DYNLT5: variants seen among roughly 807,000 people sequenced by gnomAD.
DYNLT5 encodes the protein dynein light chain Tctex-type 5.
DYNLT5 carries 25 observed loss-of-function variants against 19.3 expected under a neutral mutation model. The ratio of observed to expected loss-of-function variants is 1.30; its 90% CI spans 0.95 to 1.81. The LOEUF (loss-of-function observed/expected upper bound fraction) is 1.81. Ranked by LOEUF, DYNLT5 falls within the 40% of genes most tolerant of loss-of-function variation. The probability of loss-of-function intolerance (pLI) is 0.00; values close to 1 mark genes in which losing one functional copy is unlikely to be tolerated. For synonymous variants in DYNLT5, 82 were observed against 68.9 expected, an observed-to-expected ratio of 1.19 and a Z score of -0.94; for missense variants, 232 against 217.9, an observed-to-expected ratio of 1.06 and a Z score of -0.41.
At chr1:66,766,639 T>A (rs888335278) in intron 2 of DYNLT5, among the ~76,000 whole-genome samples, 1 of 152,236 alleles carries the variant, frequency 6.6e-6, no homozygotes, top group Non-Finnish European at 1.5e-5. Context: ...CTTTTCCTTT[T>A]TTCTTTTCTC....
At chr1:66,776,209 A>T (rs1291025158) in intron 3 of DYNLT5, 70 bp from the exon 4 acceptor site, 46 of 1,540,450 alleles carry the variant, frequency 3.0e-5, no homozygotes, top group Non-Finnish European at 3.9e-5. Context: ...TACTCTTTTG[A>T]TTAGCCTATG....
Position 66,776,282 on chromosome 1 carries a change from C to T in DYNLT5, c.215C>T (p.Pro72Leu), listed in dbSNP as rs560432499. The change falls in exon 4 of 5, where the codon CCT (proline) becomes CTT (leucine). Residue 72 changes from proline to leucine, a missense_variant. By Grantham distance (98) the Pro-to-Leu change is moderately conservative. Coordinates refer to ENST00000282670, the MANE Select transcript of DYNLT5 (RefSeq NM_152665.3). ...TAAATTTTATGTGTATTTTCAGGTCCTCCCAAACATTTTCCTGTGGTCACC... is the reference window on the plus strand; with the variant it reads ...TAAATTTTATGTGTATTTTCAGGTCTTCCCAAACATTTTCCTGTGGTCACC... Reference protein sequence around the residue: ...VQMENTYQLGPPKHFPVVTVN... With the variant: ...VQMENTYQLGLPKHFPVVTVN... The T allele has an allele frequency of 9.3e-6, 15 of 1,611,120 alleles. No homozygotes were observed. In the South Asian group the frequency reaches 1.6e-4, roughly 17 times the overall value.
chr1:66,761,676 G>A (rs552689439), intron 2 of DYNLT5, among the ~76,000 whole-genome samples: 6 of 152,188 alleles, frequency 3.9e-5, no homozygotes, highest in Non-Finnish European at 8.8e-5. Context: ...GTACTTGGGA[G>A]ACTGAGGCAG....
intron 2 of DYNLT5, among the ~76,000 whole-genome samples, chr1:66,757,459 C>G (rs1480385093): frequency 6.6e-6 from 1 of 152,086 alleles, no homozygotes; most frequent in Non-Finnish European, 1.5e-5. Context: ...AAAACAGAAA[C>G]ATCTTAAGCT....
intron 4 of DYNLT5, 102 bp from the exon 5 acceptor site, chr1:66,777,149 C>A: frequency 1.1e-6 from 1 of 944,240 alleles, no homozygotes; most frequent in Non-Finnish European, 1.6e-6. Context: ...ATCTACAATG[C>A]ATCATGCTAT....
intron 2 of DYNLT5, among the ~76,000 whole-genome samples, chr1:66,767,706 A>T (rs774637436): frequency 6.6e-6 from 1 of 152,220 alleles, no homozygotes; most frequent in African/African-American, 2.4e-5. Flanking sequence ...TCTTACATAA[A>T]ATAAGTCTGA....
At chr1:66,761,963 C>T (rs181258708) in intron 2 of DYNLT5, among the ~76,000 whole-genome samples, 136 of 152,254 alleles carry the variant, frequency 8.9e-4, no homozygotes, top group African/African-American at 3.2e-3. Context: ...CCTTTATCAA[C>T]TAAGTGTATG....
intron 2 of DYNLT5, 148 bp downstream of exon 2, chr1:66,754,925 A>G: frequency 1.3e-6 from 1 of 786,028 alleles, no homozygotes; most frequent in Non-Finnish European, 1.8e-6. Context: ...GCCATATTTA[A>G]AAAGAAAGAG....
intron 2 of DYNLT5, among the ~76,000 whole-genome samples, chr1:66,755,132 A>G (rs1177727639): frequency 6.6e-6 from 1 of 152,190 alleles, no homozygotes; most frequent in Admixed American, 6.5e-5. Context: ...TACATATACA[A>G]TGTACTTAAC....
chr1:66,770,426 G>A lies in DYNLT5; in HGVS notation c.159G>A (p.Gln53=), dbSNP rs369927560. The change falls in exon 3 of 5, where the codon CAG becomes CAA. Residue 53 remains glutamine (Q), a synonymous_variant. Transcript: ENST00000282670. Reference sequence around the variant, plus strand: ...TGTCTTATATGGAAGAACCCAGTCAGCGTGATGATATCTCTCGCCTTACAG... The same window carrying A: ...TGTCTTATATGGAAGAACCCAGTCAACGTGATGATATCTCTCGCCTTACAG... ...STVSYMEEPS[Q]RDDISRLTVQ... The A allele has an allele frequency of 3.1e-6, 5 of 1,613,550 alleles. No individual in the cohort carries two copies. The highest frequency in any genetic ancestry group is 2.2e-5 in the East Asian group (1 of 44,850).
At chr1:66,774,757 A>G (rs559272671) in intron 3 of DYNLT5, among the ~76,000 whole-genome samples, 39 of 147,412 alleles carry the variant, frequency 2.6e-4, no homozygotes, top group Non-Finnish European at 4.6e-4. Context: ...TCTATTCCCC[A>G]ATCTTGGGGT....
rs1191053252 is a variant in DYNLT5 at position 66,778,503 on chromosome 1, C to T, written c.*1049C>T. 3 of 152,414 alleles carry T rather than the reference C, an allele frequency of 2.0e-5. No individual in the cohort carries two copies. Among genetic ancestry groups the T allele is most frequent in the Non-Finnish European group, 2.9e-5 (2 of 68,002 alleles). The allele number at this position is 152,414 out of a possible 1,614,324, so 9.4% of individuals were successfully genotyped here. On this transcript the variant is annotated 3_prime_UTR_variant, in exon 5 of 5. Coordinates refer to ENST00000282670, the MANE Select transcript of DYNLT5 (RefSeq NM_152665.3). The stretch of plus-strand genomic sequence containing the variant: ...GTGTGCAAGTAAAATGATGTTGTGG[C>T]GTTGTTCTTGGATGGTAAGTGGACT...
intron 2 of DYNLT5, among the ~76,000 whole-genome samples, chr1:66,765,882 A>C (rs2094654106): frequency 1.3e-5 from 2 of 152,220 alleles, no homozygotes; most frequent in Admixed American, 6.5e-5. Flanking sequence ...AGGTACAAAT[A>C]AGGAGGATTA....
rs958497040 is a variant in DYNLT5 at position 66,777,151 on chromosome 1, T to C, written c.337-100T>C. On this transcript the variant is annotated intron_variant, in intron 4 of 4. Transcript: ENST00000282670. ...AATCACTGAAAGTATCTACAATGCA[T>C]CATGCTATTAAATTAAATCCCTTAT... The C allele has an allele frequency of 8.1e-6, 8 of 983,218 alleles. No homozygotes were observed. The African/African-American group carries it at 1.1e-4, about 14-fold the overall frequency. The allele number at this position is 983,218 out of a possible 1,614,324, so 60.9% of individuals were successfully genotyped here. A position where few individuals can be genotyped will look rare whatever the true frequency, so the allele number is the denominator to read the frequency against.
intron 3 of DYNLT5, chr1:66,770,811 T>C: frequency 3.0e-6 from 1 of 332,504 alleles, no homozygotes; most frequent in Admixed American, 4.4e-5. Flanking sequence ...ATTGATATTT[T>C]ATCCAACAAA....
chr1:66,774,584 A>G (rs964654547), intron 3 of DYNLT5, among the ~76,000 whole-genome samples: 1 of 152,164 alleles, frequency 6.6e-6, no homozygotes, highest in Non-Finnish European at 1.5e-5. Context: ...ACCTCAGCTG[A>G]GAGGCAGAGG....
intron 2 of DYNLT5, among the ~76,000 whole-genome samples, chr1:66,761,177 T>C (rs1023170250): frequency 6.6e-6 from 1 of 152,232 alleles, no homozygotes; most frequent in African/African-American, 2.4e-5. Context: ...CAGGTTTATT[T>C]CCAGACCATT....
Position 66,777,531 on chromosome 1 carries a change from C to T in DYNLT5, c.*77C>T. On this transcript the variant is annotated 3_prime_UTR_variant, in exon 5 of 5. Coordinates refer to ENST00000282670, the MANE Select transcript of DYNLT5 (RefSeq NM_152665.3). ...ATGTCTGTACACAAAAGTTTTACTG[C>T]CAAAAACTTTGAGAAAGAAACAACA... 2 of 1,290,974 alleles carry T rather than the reference C, an allele frequency of 1.5e-6. No individual in the cohort carries two copies. Among genetic ancestry groups the T allele is most frequent in the East Asian group, 2.3e-5 (1 of 42,554 alleles). The allele number at this position is 1,290,974 out of a possible 1,614,324, so 80.0% of individuals were successfully genotyped here.
At chr1:66,767,268 T>C (rs528204680) in intron 2 of DYNLT5, among the ~76,000 whole-genome samples, 92 of 152,288 alleles carry the variant, frequency 6.0e-4, no homozygotes, top group African/African-American at 2.1e-3. Context: ...TTTGTTTTGT[T>C]TTTTGAGACA....
Sources: gnomAD v4.1 joint callset for allele counts (sites outside exome capture counted in the v4.1 genomes callset) on GRCh38, gnomAD v4.1.1 for gene constraint, MANE v1.5 for transcripts, NCBI Gene and HGNC (gene_info 2026-07-23, HGNC 2026-07-21) for gene names.